DCUN1D3: variants seen among roughly 807,000 people sequenced by gnomAD.
DCUN1D3 encodes defective in cullin neddylation 1 domain containing 3.
Under a neutral mutation model 24.8 loss-of-function variants are expected in DCUN1D3, and 6 were observed. That is an observed-to-expected ratio of 0.24 (90% CI 0.13 to 0.48). DCUN1D3 has a LOEUF of 0.48. Among genes scored for constraint, DCUN1D3 ranks in the 20% least tolerant of loss-of-function variants. DCUN1D3 has a pLI of 0.99. For synonymous variants in DCUN1D3, 120 were observed against 144.9 expected (o/e 0.83, Z 1.24); for missense variants, 258 against 379.4 (o/e 0.68, Z 2.66).
chr16:20,896,222 C>T lies in DCUN1D3; in HGVS notation c.-106+3982G>A, dbSNP rs565682456. 7 of 152,296 alleles carry T rather than the reference C, an allele frequency of 4.6e-5. No individual in the cohort carries two copies. In the South Asian group the frequency reaches 1.2e-3, roughly 27 times the overall value. 9.4% of individuals were successfully genotyped at this position (152,296 alleles called of 1,614,324 possible). On this transcript the variant is annotated intron_variant, in intron 1 of 2. Coordinates refer to ENST00000324344, the MANE Select transcript of DCUN1D3 (RefSeq NM_173475.4). ...GATGGGGTTATAAAAGGTAACCCCACTGTAAATCAAAGAGCATCTGTACAC... is the reference window on the plus strand; with the variant it reads ...GATGGGGTTATAAAAGGTAACCCCATTGTAAATCAAAGAGCATCTGTACAC...
At position 20,858,040 on chromosome 16, in the gene DCUN1D3, AACAG is replaced by A. The variant is rs1596625881; in HGVS notation, c.*1842_*1845del. The A allele has an allele frequency of 6.5e-6, 1 of 152,768 alleles. No individual in the cohort carries two copies. Among genetic ancestry groups the A allele is most frequent in the South Asian group, 2.1e-4 (1 of 4,826 alleles). The allele number at this position is 152,768 out of a possible 1,614,324, so 9.5% of individuals were successfully genotyped here. A position where few individuals can be genotyped will look rare whatever the true frequency, so the allele number is the denominator to read the frequency against. The stretch of plus-strand genomic sequence containing the variant: ...TTAAGGGAGAAACCTCCAAATGTTT[AACAG>A]ACAAAGTCTCATTACCTCAAGAGTA... On this transcript the variant is annotated 3_prime_UTR_variant, in exon 3 of 3. Transcript: ENST00000324344.
intron 1 of DCUN1D3, among the ~76,000 whole-genome samples, chr16:20,885,710 C>A (rs1176772351): frequency 6.6e-6 from 1 of 152,192 alleles, no homozygotes; most frequent in African/African-American, 2.4e-5. Context: ...CAAGACCCCA[C>A]TATGTTGAAT....
intron 1 of DCUN1D3, among the ~76,000 whole-genome samples, chr16:20,864,841 G>A (rs1241881197): frequency 1.3e-5 from 2 of 152,198 alleles, no homozygotes; most frequent in Non-Finnish European, 2.9e-5. Flanking sequence ...TCTTTTGTGG[G>A]AACACACATG....
chr16:20,875,929 T>C (rs1567425892), intron 1 of DCUN1D3, among the ~76,000 whole-genome samples: 1 of 152,154 alleles, frequency 6.6e-6, no homozygotes, highest in Non-Finnish European at 1.5e-5. Flanking sequence ...AACAACTTAA[T>C]AGCAAAATAA....
At chr16:20,874,837 T>A (rs935260095) in intron 1 of DCUN1D3, among the ~76,000 whole-genome samples, 4 of 152,180 alleles carry the variant, frequency 2.6e-5, no homozygotes, top group African/African-American at 9.7e-5. Context: ...TTTTTTAAGT[T>A]ACTTATTTTC....
At position 20,860,424 on chromosome 16, in the gene DCUN1D3, C is replaced by T. The variant is rs1370716428; in HGVS notation, c.432-55G>A. On this transcript the variant is annotated intron_variant, in intron 2 of 2. Transcript: ENST00000324344. This position sits in a 1 kb window ranked among gnomAD's most constrained non-coding sequence, Gnocchi z 4.3. ...CATTATAAACTATACTATTTACAGG[C>T]AATATACATAGTGATTAAGAGCAAG... The T allele has an allele frequency of 2.0e-6, 3 of 1,536,628 alleles. No individual in the cohort carries two copies. The highest frequency in any genetic ancestry group is 1.9e-5 in the Admixed American group (1 of 52,282).
Position 20,866,938 on chromosome 16 carries a change from C to T in DCUN1D3, c.-105-4295G>A, listed in dbSNP as rs2081764998. ...GCTTTCCCCAGGCTCCATCACAGTG[C>T]CCAGCCCCATGGCCCAGGCTGGCAG... On this transcript the variant is annotated intron_variant, in intron 1 of 2. Transcript: ENST00000324344. 2.0e-5 allele frequency among the ~76,000 whole-genome samples: 3 copies of T among 152,192 alleles called. No homozygotes were observed. In the South Asian group the frequency reaches 6.2e-4, roughly 32 times the overall value.
At chr16:20,886,471 T>G (rs1261166933) in intron 1 of DCUN1D3, among the ~76,000 whole-genome samples, 1 of 152,224 alleles carries the variant, frequency 6.6e-6, no homozygotes, top group African/African-American at 2.4e-5. Context: ...GCTCCTGCAC[T>G]AGGCTCCAAG....
At chr16:20,867,129 A>G (rs961533249) in intron 1 of DCUN1D3, among the ~76,000 whole-genome samples, 1 of 152,198 alleles carries the variant, frequency 6.6e-6, no homozygotes, top group African/African-American at 2.4e-5. Context: ...GCCTCATTTA[A>G]AAACAAGGAA....
chr16:20,858,921 G>A lies in DCUN1D3; in HGVS notation c.*965C>T, dbSNP rs373533661. The A allele has an allele frequency of 4.9e-5, 7 of 141,512 alleles. No homozygotes were observed. In the South Asian group the frequency reaches 1.0e-3, roughly 20 times the overall value. The allele number at this position is 141,512 out of a possible 1,614,324, so 8.8% of individuals were successfully genotyped here. A position where few individuals can be genotyped will look rare whatever the true frequency, so the allele number is the denominator to read the frequency against. On this transcript the variant is annotated 3_prime_UTR_variant, in exon 3 of 3. Coordinates refer to ENST00000324344, the MANE Select transcript of DCUN1D3 (RefSeq NM_173475.4). The stretch of plus-strand genomic sequence containing the variant: ...TCAGTTGGCCGGCAGGCAGTTTCCC[G>A]ACCACCAGGAACAGAAACTTTGGCT...
chr16:20,883,808 A>T (rs2081856338), intron 1 of DCUN1D3, among the ~76,000 whole-genome samples: 1 of 152,190 alleles, frequency 6.6e-6, no homozygotes, highest in Non-Finnish European at 1.5e-5. Flanking sequence ...CCAATCAACG[A>T]TTGAGAGCTG....
intron 1 of DCUN1D3, among the ~76,000 whole-genome samples, chr16:20,881,015 T>C (rs900342004): frequency 6.6e-6 from 1 of 152,222 alleles, no homozygotes; most frequent in African/African-American, 2.4e-5. Context: ...GAGTGGTTTT[T>C]TGTTTGCTTT....
intron 1 of DCUN1D3, among the ~76,000 whole-genome samples, chr16:20,874,948 G>T (rs990523126): frequency 6.6e-6 from 1 of 152,014 alleles, no homozygotes; most frequent in Non-Finnish European, 1.5e-5. Flanking sequence ...AGGCACTGTG[G>T]TACTGCAAGC....
chr16:20,898,318 T>G (rs996822349), intron 1 of DCUN1D3, among the ~76,000 whole-genome samples: 3 of 152,236 alleles, frequency 2.0e-5, no homozygotes, highest in African/African-American at 7.2e-5. Flanking sequence ...TCTTCAGCGC[T>G]TGATCAAAAT....
intron 1 of DCUN1D3, among the ~76,000 whole-genome samples, chr16:20,899,399 G>A (rs2152520030): frequency 6.6e-6 from 1 of 152,280 alleles, no homozygotes; most frequent in Non-Finnish European, 1.5e-5. Flanking sequence ...ATTATAATCG[G>A]AGCGTAAGAG....
intron 1 of DCUN1D3, among the ~76,000 whole-genome samples, chr16:20,870,437 A>G (rs1029639197): frequency 1.3e-5 from 2 of 152,210 alleles, no homozygotes; most frequent in Non-Finnish European, 2.9e-5. Flanking sequence ...GGTCAGTAAC[A>G]GGTCCAGACA....
At chr16:20,878,161 G>A (rs1004520159) in intron 1 of DCUN1D3, among the ~76,000 whole-genome samples, 1 of 152,130 alleles carries the variant, frequency 6.6e-6, no homozygotes, top group African/African-American at 2.4e-5. Flanking sequence ...ACTACCTTCA[G>A]AGAGGAAAGA....
chr16:20,891,463 T>C (rs564276495), intron 1 of DCUN1D3, among the ~76,000 whole-genome samples: 36 of 152,318 alleles, frequency 2.4e-4, no homozygotes, highest in African/African-American at 5.8e-4. Context: ...CAATCCCTTC[T>C]TTACCAACTT....
intron 1 of DCUN1D3, among the ~76,000 whole-genome samples, chr16:20,882,924 T>G (rs1188045923): frequency 6.6e-6 from 1 of 152,208 alleles, no homozygotes; most frequent in Non-Finnish European, 1.5e-5. Flanking sequence ...CTTATAGATT[T>G]CTAACTTAAA....
Sources: gnomAD v4.1 joint callset for allele counts (sites outside exome capture counted in the v4.1 genomes callset) on GRCh38, gnomAD v4.1.1 for gene constraint, Gnocchi (gnomAD v3.1) non-coding constraint, MANE v1.5 for transcripts, NCBI Gene and HGNC (gene_info 2026-07-23, HGNC 2026-07-21) for gene names.